The following MCC variants were observed in gnomAD, a reference collection of about 807,000 sequenced individuals.
MCC encodes the protein MCC regulator of Wnt signaling pathway.
MCC carries 90 observed loss-of-function variants against 116.2 expected under a neutral mutation model. That is an observed-to-expected ratio of 0.77 (90% CI 0.65 to 0.92). MCC has a LOEUF of 0.92. Among genes scored for constraint, MCC ranks in the 40% least tolerant of loss-of-function variants. The pLI is 0.00. For synonymous variants in MCC, 578 were observed against 510.5 expected, an observed-to-expected ratio of 1.13 and a Z score of -1.78; for missense variants, 1,516 against 1,312.2, an observed-to-expected ratio of 1.16 and a Z score of -2.40.
intron 1 of MCC, among the ~76,000 whole-genome samples, chr5:113,410,759 G>A (rs1300439674): frequency 2.0e-5 from 3 of 152,026 alleles, no homozygotes; most frequent in African/African-American, 2.4e-5. Context: ...CTCCCCCAAC[G>A]CTCCACCCTA....
In MCC at chr5:113,027,411, A is replaced by G. The variant is rs386352328; in HGVS notation, c.2951T>C (p.Met984Thr). Residue 984 changes from methionine (M) to threonine (T), a missense_variant, in exon 19 of 19, where the codon ATG becomes ACG. Physicochemically the swap from Met to Thr is moderately conservative, Grantham distance 81 (BLOSUM62 -1). Transcript: ENST00000408903. ...CTCATGTCTCTCCACCATGGCCATC[A>G]TCTGCGACTCTAACTTCTTCAGTTT... ...QNKLKKLESQ[M>T]MAMVERHETQ... 1 of 1,614,182 alleles carries G rather than the reference A, an allele frequency of 6.2e-7. No individual in the cohort carries two copies. The highest frequency in any genetic ancestry group is 8.5e-7 in the Non-Finnish European group (1 of 1,180,030).
chr5:113,370,876 A>G (rs1244994071), intron 2 of MCC, among the ~76,000 whole-genome samples: 1 of 152,214 alleles, frequency 6.6e-6, no homozygotes, highest in Non-Finnish European at 1.5e-5. Context: ...TTTTATTAAT[A>G]TAGCACAAGA....
chr5:113,185,077 G>C (rs1014875711), intron 3 of MCC, among the ~76,000 whole-genome samples: 1 of 152,192 alleles, frequency 6.6e-6, no homozygotes, highest in Non-Finnish European at 1.5e-5. Context: ...CACCACGTTA[G>C]GCCACTCCAC....
intron 3 of MCC, among the ~76,000 whole-genome samples, chr5:113,246,637 T>C (rs1360214959): frequency 6.6e-6 from 1 of 152,236 alleles, no homozygotes. Context: ...AGATACTGTC[T>C]TTTGTCTCCA....
intron 2 of MCC, among the ~76,000 whole-genome samples, chr5:113,364,929 C>T (rs1768648740): frequency 6.6e-6 from 1 of 152,190 alleles, no homozygotes; most frequent in African/African-American, 2.4e-5. Context: ...GGTCTCTGGG[C>T]ATGGCCATGA....
At chr5:113,042,649 ATCTGTC>A (rs1290135180) in intron 17 of MCC, among the ~76,000 whole-genome samples, 1 of 151,936 alleles carries the variant, frequency 6.6e-6, no homozygotes, top group Non-Finnish European at 1.5e-5. Flanking sequence ...TAGCCAAAAA[ATCTGTC>A]TCTCCAGAAC....
intron 1 of MCC, among the ~76,000 whole-genome samples, chr5:113,407,567 C>T (rs1472243310): frequency 6.6e-6 from 1 of 152,166 alleles, no homozygotes; most frequent in East Asian, 1.9e-4. Flanking sequence ...CAAGCATCAC[C>T]TGGTTAAATA....
At chr5:113,438,296 C>G (rs1027796034) in intron 1 of MCC, among the ~76,000 whole-genome samples, 4 of 152,062 alleles carry the variant, frequency 2.6e-5, no homozygotes, top group African/African-American at 9.7e-5. Flanking sequence ...AGGGTTCCAT[C>G]TGCCGTACGG....
chr5:113,420,886 G>A (rs933917737), intron 1 of MCC, among the ~76,000 whole-genome samples: 1 of 151,950 alleles, frequency 6.6e-6, no homozygotes, highest in African/African-American at 2.4e-5. Context: ...TTGCTATTTG[G>A]AATCAAAGGA....
chr5:113,444,751 T>A (rs970842534), intron 1 of MCC, among the ~76,000 whole-genome samples: 4 of 152,206 alleles, frequency 2.6e-5, no homozygotes, highest in African/African-American at 9.7e-5. Context: ...CTCTTTTAGT[T>A]TAGTGGTTCA....
intron 3 of MCC, among the ~76,000 whole-genome samples, chr5:113,208,066 G>A (rs1762983524): frequency 6.6e-6 from 1 of 152,062 alleles, no homozygotes; most frequent in Non-Finnish European, 1.5e-5. Flanking sequence ...TTTGTATGAT[G>A]ATTACAACTT....
intron 1 of MCC, among the ~76,000 whole-genome samples, chr5:113,412,248 A>T (rs995842373): frequency 1.3e-5 from 2 of 152,114 alleles, no homozygotes; most frequent in African/African-American, 4.8e-5. Context: ...TTGTCCTGAC[A>T]ATGCAGGCTC....
chr5:113,463,029 A>C (rs1771788386), intron 1 of MCC, among the ~76,000 whole-genome samples: 1 of 152,226 alleles, frequency 6.6e-6, no homozygotes, highest in Non-Finnish European at 1.5e-5. Context: ...TGAGAGGGCC[A>C]GGGAAGGCTG....
intron 1 of MCC, among the ~76,000 whole-genome samples, chr5:113,466,287 C>G (rs188844930): frequency 6.6e-6 from 1 of 150,984 alleles, no homozygotes; most frequent in African/African-American, 2.4e-5. Context: ...CACCCACCAA[C>G]TCGTCATTTA....
chr5:113,385,225 T>A lies in MCC; in HGVS notation c.171-13A>T, dbSNP rs146947038. ...TAGCAAGTCATTTCTGCAGAAGGGG[T>A]TGAACAGAAGAAAATGTGTTATGAG... On this transcript the variant is annotated splice_polypyrimidine_tract_variant and intron_variant, in intron 1 of 18. Transcript: ENST00000408903. The A allele has an allele frequency of 2.8e-5, 45 of 1,611,268 alleles. No homozygotes were observed. The East Asian group carries it at 9.8e-4, about 35-fold the overall frequency.
At chr5:113,378,129 C>T (rs1308445586) in intron 2 of MCC, among the ~76,000 whole-genome samples, 4 of 152,138 alleles carry the variant, frequency 2.6e-5, no homozygotes, top group African/African-American at 9.7e-5. Context: ...AGATATCAAA[C>T]CCAAATTCAG....
chr5:113,408,018 T>G lies in MCC; in HGVS notation c.171-22806A>C, dbSNP rs576282852. Among the ~76,000 whole-genome samples the G allele has an allele frequency of 3.3e-5, 5 of 152,184 alleles. No individual in the cohort carries two copies. In the South Asian group the frequency reaches 1.0e-3, roughly 32 times the overall value. On this transcript the variant is annotated intron_variant, in intron 1 of 18. Transcript: ENST00000408903. Reference sequence around the variant, plus strand: ...CTTTCCACCTCATTAAGAGGCCTAGTTAGAAGAAGGGAACAGAGGAAAAGC... The same window carrying G: ...CTTTCCACCTCATTAAGAGGCCTAGGTAGAAGAAGGGAACAGAGGAAAAGC...
chr5:113,394,478 G>T (rs532666336), intron 1 of MCC, among the ~76,000 whole-genome samples: 5 of 152,184 alleles, frequency 3.3e-5, no homozygotes, highest in African/African-American at 1.2e-4. Flanking sequence ...GCATAGCTGG[G>T]CCTACCTCTC....
intron 3 of MCC, among the ~76,000 whole-genome samples, chr5:113,213,189 A>G (rs981443390): frequency 1.8e-4 from 27 of 152,182 alleles, no homozygotes; most frequent in African/African-American, 6.5e-4. Context: ...CGAACCCTCT[A>G]CACACCTCTC....
Sources: gnomAD v4.1 joint callset for allele counts (sites outside exome capture counted in the v4.1 genomes callset) on GRCh38, gnomAD v4.1.1 for gene constraint, MANE v1.5 for transcripts, NCBI Gene and HGNC (gene_info 2026-07-23, HGNC 2026-07-21) for gene names.